Variants in ATP1B3 observed in about 807,000 individuals in gnomAD.
ATP1B3 encodes the protein ATPase Na+/K+ transporting subunit beta 3, also known as sodium/potassium-transporting ATPase subunit beta-3.
Under a neutral mutation model 30.2 loss-of-function variants are expected in ATP1B3, and 10 were observed. The observed-to-expected ratio is 0.33, with a 90% CI of 0.20 to 0.56. The LOEUF is 0.56. Ranked by LOEUF, ATP1B3 falls within the 20% of genes least tolerant of loss-of-function variation. ATP1B3 has a pLI of 0.90. For missense variants in ATP1B3, 238 were observed against 336.7 expected (o/e 0.71, Z 2.29); for synonymous variants, 113 against 117.0 (o/e 0.97, Z 0.22).
intron 5 of ATP1B3, among the ~76,000 whole-genome samples, chr3:141,920,839 T>C (rs1934552246): frequency 6.6e-6 from 1 of 152,212 alleles, no homozygotes; most frequent in Non-Finnish European, 1.5e-5. Flanking sequence ...TCCTACCCTT[T>C]CCACATATTC....
intron 1 of ATP1B3, among the ~76,000 whole-genome samples, chr3:141,903,316 A>T (rs1402467401): frequency 2.0e-5 from 3 of 152,176 alleles, no homozygotes; most frequent in African/African-American, 7.2e-5. Context: ...TTTGGGAAAC[A>T]TTCCCCTATG....
chr3:141,909,297 A>G (rs1255134053), intron 3 of ATP1B3, among the ~76,000 whole-genome samples: 2 of 152,206 alleles, frequency 1.3e-5, no homozygotes, highest in Non-Finnish European at 2.9e-5. Flanking sequence ...TAATTTATTG[A>G]CATATTTTTT....
chr3:141,922,374 C>T (rs111629838), intron 6 of ATP1B3, among the ~76,000 whole-genome samples: 13,404 of 152,138 alleles, frequency 0.088, 732 homozygotes, highest in East Asian at 0.16. Context: ...AAATCAAGGC[C>T]GGGTGCGGTG....
intron 5 of ATP1B3, among the ~76,000 whole-genome samples, chr3:141,920,738 G>A (rs1934551079): frequency 6.6e-6 from 1 of 152,136 alleles, no homozygotes; most frequent in Admixed American, 6.6e-5. Context: ...TTGATTTTAA[G>A]CTTATTTTTT....
intron 5 of ATP1B3, among the ~76,000 whole-genome samples, chr3:141,920,239 A>C (rs1477683616): frequency 6.6e-6 from 1 of 152,080 alleles, no homozygotes; most frequent in Non-Finnish European, 1.5e-5. Context: ...GTTAGGCCTA[A>C]AGGAGGGAAG....
At chr3:141,898,552 A>C (rs1934109995) in intron 1 of ATP1B3, among the ~76,000 whole-genome samples, 2 of 152,206 alleles carry the variant, frequency 1.3e-5, no homozygotes, top group African/African-American at 4.8e-5. Flanking sequence ...CCACAAAGAG[A>C]TACTACATTG....
At chr3:141,923,864 G>A (rs1262613682) in intron 6 of ATP1B3, among the ~76,000 whole-genome samples, 2 of 152,212 alleles carry the variant, frequency 1.3e-5, no homozygotes, top group African/African-American at 4.8e-5. Flanking sequence ...TATAGGTTGT[G>A]CATTTTGGCA....
chr3:141,911,196 C>T (rs939995544), intron 3 of ATP1B3, among the ~76,000 whole-genome samples: 9 of 152,060 alleles, frequency 5.9e-5, no homozygotes, highest in Admixed American at 1.3e-4. Context: ...CTTTCTAGAA[C>T]TATTCTGTTT....
At chr3:141,892,837 A>G (rs1451428479) in intron 1 of ATP1B3, among the ~76,000 whole-genome samples, 2 of 152,126 alleles carry the variant, frequency 1.3e-5, no homozygotes, top group Non-Finnish European at 2.9e-5. Context: ...ATGGAGCGGT[A>G]GCTTCACAGA....
chr3:141,877,030 C>T (rs1933612042), intron 1 of ATP1B3, 120 bp downstream of exon 1: 1 of 679,414 alleles, frequency 1.5e-6, no homozygotes, highest in African/African-American at 1.9e-5. Flanking sequence ...GACCGCCCGA[C>T]CCTAACCCGG....
intron 1 of ATP1B3, among the ~76,000 whole-genome samples, chr3:141,900,835 T>G (rs547632489): frequency 6.6e-6 from 1 of 152,120 alleles, no homozygotes; most frequent in Non-Finnish European, 1.5e-5. Context: ...CAGGTCGGAG[T>G]GCAGTGGCAC....
intron 1 of ATP1B3, among the ~76,000 whole-genome samples, chr3:141,895,188 C>CTTTTTT (rs1176839559): frequency 8.2e-6 from 1 of 121,434 alleles, no homozygotes; most frequent in African/African-American, 3.1e-5. Context: ...TCTTTCTTTT[C>CTTTTTT]TTTTTTTTTT....
chr3:141,915,851 A>G (rs778839842), intron 4 of ATP1B3, 119 bp from the exon 5 acceptor site: 12 of 576,212 alleles, frequency 2.1e-5, no homozygotes, highest in Non-Finnish European at 3.0e-5. Flanking sequence ...TAAAAGGCAG[A>G]TGTATACAGA....
intron 5 of ATP1B3, chr3:141,921,385 A>T (rs1393156830): frequency 2.0e-5 from 3 of 151,240 alleles, no homozygotes; most frequent in African/African-American, 7.2e-5. Context: ...ATATGCTCAT[A>T]AATTTATTCC....
At chr3:141,879,811 C>CTTTTTTTT (rs150389395) in intron 1 of ATP1B3, among the ~76,000 whole-genome samples, 617 of 57,902 alleles carry the variant, frequency 0.011, 16 homozygotes, top group African/African-American at 0.015. Context: ...TTGGTAACAG[C>CTTTTTTTT]TTTTTTTTTT....
intron 1 of ATP1B3, among the ~76,000 whole-genome samples, chr3:141,882,668 C>G (rs1577955479): frequency 6.6e-6 from 1 of 152,334 alleles, no homozygotes; most frequent in South Asian, 2.1e-4. Context: ...ACCGCAACCT[C>G]TGCCTCCCGG....
At position 141,907,248 on chromosome 3, in the gene ATP1B3, T is replaced by C. The variant is rs1934279789; in HGVS notation, c.320T>C (p.Ile107Thr). 3.1e-6 allele frequency: 5 copies of C among 1,611,610 alleles called. No homozygotes were observed. Among genetic ancestry groups the C allele is most frequent in the African/African-American group, 1.3e-5 (1 of 74,870 alleles). The part of the protein sequence containing the change: ...RSDPTSYAGY[I>T]EDLKKFLKPY... ...GATCCAACTTCGTATGCAGGGTACA[T>C]TGAAGACCTTAAGAAGTTTCTAAAA... Residue 107 changes from isoleucine (I) to threonine (T), a missense_variant, in exon 3 of 7, where the codon ATT becomes ACT. Coordinates refer to ENST00000286371, the MANE Select transcript of ATP1B3 (RefSeq NM_001679.4).
intron 1 of ATP1B3, among the ~76,000 whole-genome samples, chr3:141,895,190 T>TC (rs201168308): frequency 0.11 from 15,448 of 143,882 alleles, 1,001 homozygotes; most frequent in Middle Eastern, 0.16. Context: ...TTTCTTTTCT[T>TC]TTTTTTTTTT....
intron 1 of ATP1B3, among the ~76,000 whole-genome samples, chr3:141,884,503 A>G (rs1424714422): frequency 6.6e-6 from 1 of 152,180 alleles, no homozygotes; most frequent in Non-Finnish European, 1.5e-5. Flanking sequence ...TGAAGGATAG[A>G]AAGTATTGAT....
Sources: gnomAD v4.1 joint callset for allele counts (sites outside exome capture counted in the v4.1 genomes callset) on GRCh38, gnomAD v4.1.1 for gene constraint, MANE v1.5 for transcripts, NCBI Gene and HGNC (gene_info 2026-07-23, HGNC 2026-07-21) for gene names.